The following FSTL5 variants were observed in gnomAD, a reference collection of about 807,000 sequenced individuals.
The protein encoded by FSTL5 is follistatin like 5, also known as follistatin-related protein 5.
Under a neutral mutation model 89.1 loss-of-function variants are expected in FSTL5, and 62 were observed. The observed-to-expected ratio is 0.70, with a 90% CI of 0.57 to 0.86. The LOEUF (loss-of-function observed/expected upper bound fraction) is 0.86, where lower values mean the gene tolerates loss of function less well. Among genes scored for constraint, FSTL5 ranks in the 40% least tolerant of loss-of-function variants. FSTL5 has a pLI of 0.00. For synonymous variants in FSTL5, 383 were observed against 346.2 expected, an observed-to-expected ratio of 1.11 and a Z score of -1.18; for missense variants, 1,057 against 1,001.6, an observed-to-expected ratio of 1.06 and a Z score of -0.75.
chr4:162,111,947 T>C (rs1372919126), intron 1 of FSTL5, among the ~76,000 whole-genome samples: 1 of 152,216 alleles, frequency 6.6e-6, no homozygotes, highest in African/African-American at 2.4e-5. Context: ...TAGTTATTAA[T>C]GTACTTTTTC....
At chr4:162,163,401 C>G (rs1258586289) in intron 1 of FSTL5, among the ~76,000 whole-genome samples, 1 of 149,388 alleles carries the variant, frequency 6.7e-6, no homozygotes, top group East Asian at 2.0e-4. Context: ...AACTTCCCCT[C>G]TAGAATTTAG....
intron 3 of FSTL5, among the ~76,000 whole-genome samples, chr4:162,021,927 T>TA (rs2111159789): frequency 6.6e-6 from 1 of 151,800 alleles, no homozygotes; most frequent in African/African-American, 2.4e-5. Flanking sequence ...CCGTTTCTCC[T>TA]AAAAAATACA....
At chr4:161,929,244 C>CTTTT (rs58570212) in intron 3 of FSTL5, among the ~76,000 whole-genome samples, 5 of 145,158 alleles carry the variant, frequency 3.4e-5, no homozygotes, top group African/African-American at 5.0e-5. Context: ...ATTAGCTTTG[C>CTTTT]TTTTTTTTTT....
At chr4:161,903,194 T>C (rs183303342) in intron 4 of FSTL5, among the ~76,000 whole-genome samples, 81 of 152,272 alleles carry the variant, frequency 5.3e-4, no homozygotes, top group Admixed American at 2.0e-4. Context: ...ATTAAGTCCT[T>C]TATAAATCAG....
chr4:161,848,349 T>A (rs966434526), intron 4 of FSTL5, among the ~76,000 whole-genome samples: 1 of 152,108 alleles, frequency 6.6e-6, no homozygotes, highest in Non-Finnish European at 1.5e-5. Context: ...TGGTTACTAT[T>A]TTTGAAATTA....
intron 5 of FSTL5, among the ~76,000 whole-genome samples, chr4:161,767,854 T>C (rs993272815): frequency 5.3e-5 from 8 of 151,992 alleles, no homozygotes; most frequent in African/African-American, 1.9e-4. Context: ...TTATCATCTA[T>C]GCATTTTCAA....
chr4:161,521,345 T>G (rs1731013575), intron 10 of FSTL5, among the ~76,000 whole-genome samples: 1 of 152,102 alleles, frequency 6.6e-6, no homozygotes, highest in African/African-American at 2.4e-5. Flanking sequence ...TTCCTGTAAT[T>G]ACTCACATAC....
chr4:161,739,064 G>C (rs1739913655), intron 6 of FSTL5, among the ~76,000 whole-genome samples: 1 of 152,128 alleles, frequency 6.6e-6, no homozygotes. Context: ...AAAAATGTTT[G>C]ATGTGACTAC....
At chr4:161,861,438 GAGAA>G (rs1469647846) in intron 4 of FSTL5, among the ~76,000 whole-genome samples, 2 of 150,968 alleles carry the variant, frequency 1.3e-5, no homozygotes, top group Admixed American at 6.6e-5. Flanking sequence ...GAGAGAGAGA[GAGAA>G]AGAAAGAAAG....
chr4:161,833,745 T>C (rs1215777541), intron 4 of FSTL5, among the ~76,000 whole-genome samples: 1 of 151,936 alleles, frequency 6.6e-6, no homozygotes, highest in Non-Finnish European at 1.5e-5. Flanking sequence ...TAGATCTTCC[T>C]CCATCCTTTT....
At chr4:161,473,108 G>A (rs1734005784) in intron 13 of FSTL5, among the ~76,000 whole-genome samples, 1 of 152,130 alleles carries the variant, frequency 6.6e-6, no homozygotes, top group Admixed American at 6.5e-5. Flanking sequence ...GCTCTTGAAA[G>A]AGAAAGATAT....
intron 8 of FSTL5, among the ~76,000 whole-genome samples, chr4:161,577,972 T>C (rs1733287765): frequency 6.6e-6 from 1 of 151,858 alleles, no homozygotes; most frequent in South Asian, 2.1e-4. Context: ...GACTCAAATA[T>C]AGTTTTTTTT....
intron 7 of FSTL5, among the ~76,000 whole-genome samples, chr4:161,617,861 A>G (rs558949843): frequency 9.5e-4 from 145 of 152,334 alleles, no homozygotes; most frequent in Middle Eastern, 3.4e-3. Flanking sequence ...GCTGGCCTGC[A>G]CTTTAAGAAA....
intron 12 of FSTL5, 88 bp from the exon 13 acceptor site, chr4:161,481,257 C>A (rs1729495054): frequency 5.4e-6 from 5 of 917,630 alleles, no homozygotes; most frequent in Non-Finnish European, 8.0e-6. Context: ...ATGTTTCATA[C>A]TTTACTACTT....
intron 4 of FSTL5, among the ~76,000 whole-genome samples, chr4:161,906,417 A>C (rs1264766070): frequency 6.6e-6 from 1 of 152,126 alleles, no homozygotes; most frequent in Non-Finnish European, 1.5e-5. Flanking sequence ...ATTTGATTGG[A>C]AATGAGGTTG....
chr4:162,028,388 C>T (rs1053591083), intron 3 of FSTL5, among the ~76,000 whole-genome samples: 1 of 152,074 alleles, frequency 6.6e-6, no homozygotes, highest in Non-Finnish European at 1.5e-5. Context: ...ACCATCCTGG[C>T]CAACATGGCA....
intron 2 of FSTL5, among the ~76,000 whole-genome samples, chr4:162,074,461 G>A (rs929942482): frequency 5.3e-5 from 8 of 151,486 alleles, no homozygotes; most frequent in East Asian, 2.0e-4. Flanking sequence ...GTGGTACTAC[G>A]TATCAAGGAT....
At chr4:161,651,100 C>G (rs1190067167) in intron 7 of FSTL5, among the ~76,000 whole-genome samples, 2 of 152,064 alleles carry the variant, frequency 1.3e-5, no homozygotes. Flanking sequence ...ATGCTCGCCT[C>G]AGCTTGCTTA....
chr4:161,895,615 T>C (rs1194793093), intron 4 of FSTL5, among the ~76,000 whole-genome samples: 2 of 152,184 alleles, frequency 1.3e-5, no homozygotes, highest in East Asian at 3.9e-4. Context: ...TGATATGTCA[T>C]GGCAGAAATA....
Sources: gnomAD v4.1 joint callset for allele counts (sites outside exome capture counted in the v4.1 genomes callset) on GRCh38, gnomAD v4.1.1 for gene constraint, MANE v1.5 for transcripts, NCBI Gene and HGNC (gene_info 2026-07-23, HGNC 2026-07-21) for gene names.